The following SH3YL1 variants were observed in gnomAD, a reference collection of about 807,000 sequenced individuals.
SH3YL1 encodes the protein SH3 and SYLF domain containing 1.
In SH3YL1, 41 loss-of-function variants were observed where a neutral mutation model predicts 45.8. That is an observed-to-expected ratio of 0.89 (90% CI 0.70 to 1.16). SH3YL1 has a LOEUF of 1.16. Ranked by LOEUF, SH3YL1 falls within the 50% of genes most tolerant of loss-of-function variation. The probability of loss-of-function intolerance (pLI) is 0.00; values close to 1 mark genes in which losing one functional copy is unlikely to be tolerated. For synonymous variants in SH3YL1, 152 were observed against 151.4 expected, an observed-to-expected ratio of 1.00 and a Z score of -0.03; for missense variants, 389 against 409.6, an observed-to-expected ratio of 0.95 and a Z score of 0.43.
At chr2:247,010 C>A (rs542961273) in intron 4 of SH3YL1, among the ~76,000 whole-genome samples, 1 of 152,270 alleles carries the variant, frequency 6.6e-6, no homozygotes, top group Non-Finnish European at 1.5e-5. Flanking sequence ...TAAGAGGATC[C>A]CCGTGTAGGA....
At chr2:261,724 C>T (rs960619427) in intron 1 of SH3YL1, among the ~76,000 whole-genome samples, 9 of 152,146 alleles carry the variant, frequency 5.9e-5, no homozygotes, top group Non-Finnish European at 1.0e-4. Flanking sequence ...AAGCTGACTA[C>T]GGTTTCCAAT....
chr2:221,631 C>A (rs931932667), intron 9 of SH3YL1, among the ~76,000 whole-genome samples: 3 of 152,244 alleles, frequency 2.0e-5, no homozygotes, highest in Admixed American at 2.0e-4. Context: ...TCTGAGGGGG[C>A]CGGGATCTCA....
At chr2:246,983 A>C (rs568415510) in intron 4 of SH3YL1, among the ~76,000 whole-genome samples, 1 of 152,334 alleles carries the variant, frequency 6.6e-6, no homozygotes, top group Admixed American at 6.5e-5. Context: ...CGACAGACTG[A>C]AGATGAGCAT....
At chr2:234,517 T>C (rs1261591549) in intron 4 of SH3YL1, among the ~76,000 whole-genome samples, 2 of 152,218 alleles carry the variant, frequency 1.3e-5, no homozygotes, top group Non-Finnish European at 2.9e-5. Context: ...CTATGAGGTT[T>C]ACCTGCATCA....
intron 3 of SH3YL1, among the ~76,000 whole-genome samples, chr2:248,037 A>G (rs7580141): frequency 0.57 from 86,493 of 152,162 alleles, 27,098 homozygotes; most frequent in East Asian, 0.83. Flanking sequence ...CGGTAACATA[A>G]TAATTGTTTC....
chr2:223,952 C>T (rs1239352589), intron 9 of SH3YL1, among the ~76,000 whole-genome samples: 1 of 152,180 alleles, frequency 6.6e-6, no homozygotes, highest in South Asian at 2.1e-4. Context: ...AACATGCTGA[C>T]CTCTCTTCAG....
At chr2:260,954 CT>C (rs2103061846) in intron 1 of SH3YL1, 2 of 152,330 alleles carry the variant, frequency 1.3e-5, no homozygotes, top group East Asian at 3.9e-4. Flanking sequence ...CCTCACACGG[CT>C]GCAGACCGCA....
chr2:218,896 T>C lies in SH3YL1; in HGVS notation c.944A>G (p.Lys315Arg), dbSNP rs754179542. 6.2e-7 allele frequency: 1 copy of C among 1,614,152 alleles called. No individual in the cohort carries two copies. The highest frequency in any genetic ancestry group is 2.2e-5 in the East Asian group (1 of 44,874). ...CCACCAATCAAAATGTGAATCTGTT[T>C]TTGATATAACTGTGATTCTGTCTCC... ...QAGDRITVIS[K>R]TDSHFDWWEG... The change falls in exon 10 of 10, where the codon AAA becomes AGA. Residue 315 changes from lysine to arginine, a missense_variant. Coordinates refer to ENST00000356150, the MANE Select transcript of SH3YL1 (RefSeq NM_015677.4).
chr2:238,303 G>GTGTGTGT, intron 4 of SH3YL1, among the ~76,000 whole-genome samples: 2 of 129,766 alleles, frequency 1.5e-5, no homozygotes, highest in African/African-American at 5.6e-5. Flanking sequence ...GTGTGTGTGT[G>GTGTGTGT]GCATGGCCAG....
intron 4 of SH3YL1, among the ~76,000 whole-genome samples, chr2:245,355 A>G (rs1361063025): frequency 6.6e-6 from 1 of 152,200 alleles, no homozygotes; most frequent in Non-Finnish European, 1.5e-5. Flanking sequence ...TTCCATAGTT[A>G]ATTTCCATAC....
Position 231,018 on chromosome 2 carries a change from G to C in SH3YL1, c.702+5C>G. The C allele has an allele frequency of 6.2e-7, 1 of 1,613,552 alleles. No individual in the cohort carries two copies. The highest frequency in any genetic ancestry group is 8.5e-7 in the Non-Finnish European group (1 of 1,179,628). ...TACTGAGTGAAACATAAAACCAAAC[G>C]GTACAGAAGACTTCCTCTGCTCCCT... On this transcript the variant is annotated splice_donor_5th_base_variant and intron_variant, in intron 7 of 9. Coordinates refer to ENST00000356150, the MANE Select transcript of SH3YL1 (RefSeq NM_015677.4).
chr2:234,939 G>A (rs1449998982), intron 4 of SH3YL1, among the ~76,000 whole-genome samples: 4 of 152,104 alleles, frequency 2.6e-5, no homozygotes, highest in South Asian at 2.1e-4. Flanking sequence ...GTGCAGTGGC[G>A]TGATCTGAGC....
chr2:225,953 A>T (rs1408258191), intron 8 of SH3YL1, among the ~76,000 whole-genome samples: 1 of 152,212 alleles, frequency 6.6e-6, no homozygotes, highest in Non-Finnish European at 1.5e-5. Context: ...ATGTTACCAT[A>T]ATTAGCATTG....
At chr2:233,731 GAGA>G (rs1321638877) in intron 5 of SH3YL1, among the ~76,000 whole-genome samples, 2 of 152,048 alleles carry the variant, frequency 1.3e-5, no homozygotes, top group African/African-American at 4.8e-5. Flanking sequence ...TTCATTAATA[GAGA>G]AGAAAAATAC....
chr2:231,267 C>T, intron 6 of SH3YL1, 76 bp from the exon 7 acceptor site: 4 of 1,125,248 alleles, frequency 3.6e-6, no homozygotes, highest in Admixed American at 2.3e-5. Flanking sequence ...CATGTGCGCA[C>T]ACACGGTGTG....
intron 4 of SH3YL1, among the ~76,000 whole-genome samples, chr2:244,126 GA>G (rs1423801872): frequency 2.0e-5 from 3 of 151,868 alleles, no homozygotes; most frequent in Admixed American, 6.6e-5. Flanking sequence ...CTATTTTACG[GA>G]TAAAATGAGA....
intron 9 of SH3YL1, among the ~76,000 whole-genome samples, chr2:222,009 C>G (rs1386010813): frequency 6.6e-6 from 1 of 152,156 alleles, no homozygotes; most frequent in African/African-American, 2.4e-5. Context: ...AGTAATGATT[C>G]CTTCCATGAA....
Position 244,502 on chromosome 2 carries a change from A to C in SH3YL1, c.291+3036T>G, listed in dbSNP as rs188264110. 5.3e-5 allele frequency: 8 copies of C among 151,254 alleles called. No homozygotes were observed. In the East Asian group the frequency reaches 1.6e-3, roughly 30 times the overall value. 9.4% of individuals were successfully genotyped at this position (151,254 alleles called of 1,614,324 possible). A position where few individuals can be genotyped will look rare whatever the true frequency, so the allele number is the denominator to read the frequency against. ...CAGAGCAAGACTCTGCCTCAAAAGAAAGAAAGAAAGAAAGAAAGAAAAGAA... is the reference window on the plus strand; with the variant it reads ...CAGAGCAAGACTCTGCCTCAAAAGACAGAAAGAAAGAAAGAAAGAAAAGAA... On this transcript the variant is annotated intron_variant, in intron 4 of 9. Coordinates refer to ENST00000356150, the MANE Select transcript of SH3YL1 (RefSeq NM_015677.4).
At chr2:229,360 T>A (rs1667927806) in intron 8 of SH3YL1, among the ~76,000 whole-genome samples, 1 of 152,204 alleles carries the variant, frequency 6.6e-6, no homozygotes, top group Non-Finnish European at 1.5e-5. Context: ...ATCAGAAGGA[T>A]AACGGTTTTT....
Sources: gnomAD v4.1 joint callset for allele counts (sites outside exome capture counted in the v4.1 genomes callset) on GRCh38, gnomAD v4.1.1 for gene constraint, MANE v1.5 for transcripts, NCBI Gene and HGNC (gene_info 2026-07-23, HGNC 2026-07-21) for gene names.